The following DLGAP1 variants were observed in gnomAD, a reference collection of about 807,000 sequenced individuals.
DLGAP1 encodes the protein disks large-associated protein 1.
A neutral mutation model predicts 90.8 loss-of-function variants in DLGAP1; 11 were observed. That is an observed-to-expected ratio of 0.12 (90% confidence interval 0.08 to 0.20). The LOEUF (loss-of-function observed/expected upper bound fraction) is 0.20, where lower values mean the gene tolerates loss of function less well. Among genes scored for constraint, DLGAP1 ranks in the 10% least tolerant of loss-of-function variants. DLGAP1 has a pLI of 1.00. For missense variants in DLGAP1, 1,050 were observed against 1,333.8 expected, an observed-to-expected ratio of 0.79 and a Z score of 3.31; for synonymous variants, 558 against 540.7, an observed-to-expected ratio of 1.03 and a Z score of -0.44.
Position 4,358,829 on chromosome 18 carries a change from G to GGTCA in DLGAP1, c.-267+96173_-267+96176dup, listed in dbSNP as rs1485381219. Among the ~76,000 whole-genome samples, 9 of 152,134 alleles carry GGTCA rather than the reference G, an allele frequency of 5.9e-5. No individual in the cohort carries two copies. In the East Asian group the frequency reaches 1.4e-3, roughly 23 times the overall value. On this transcript the variant is annotated intron_variant, in intron 1 of 12. Coordinates refer to ENST00000315677, the MANE Select transcript of DLGAP1 (RefSeq NM_004746.4). ...TATTCGGTGCTGCCTGTGGCTTCTG[G>GGTCA]GTCAGTTCATCTAATTCTGGTGCAG...
chr18:3,893,842 T>C lies in DLGAP1; in HGVS notation c.-72-13702A>G, dbSNP rs117100171. ...AATTTACATTCCCACCAAAAGTGTA[T>C]AGACATTTTCTCATTTCTCCATATC... On this transcript the variant is annotated intron_variant, in intron 3 of 12. Transcript: ENST00000315677. 8.4e-3 allele frequency among the ~76,000 whole-genome samples: 1,275 copies of C among 152,194 alleles called. 25 individuals are homozygous for C. The highest frequency in any genetic ancestry group is 0.027 in the Admixed American group (418 of 15,272).
At chr18:3,897,883 T>G (rs368774324) in intron 3 of DLGAP1, among the ~76,000 whole-genome samples, 1 of 145,976 alleles carries the variant, frequency 6.9e-6, no homozygotes. Flanking sequence ...CAAGCTCCGC[T>G]TCCCGGGTTC....
At chr18:3,566,113 C>A (rs1266165922) in intron 9 of DLGAP1, among the ~76,000 whole-genome samples, 2 of 150,088 alleles carry the variant, frequency 1.3e-5, no homozygotes, top group African/African-American at 5.0e-5. Context: ...ATTACAAAAG[C>A]ATGCTATTAT....
At chr18:3,567,413 G>T (rs1026280006) in intron 9 of DLGAP1, 77 bp downstream of exon 9, 1 of 1,233,156 alleles carries the variant, frequency 8.1e-7, no homozygotes, top group Non-Finnish European at 1.2e-6. Flanking sequence ...GAATTTTGTA[G>T]ACTTATCACG....
At chr18:3,813,917 G>C (rs1421367888) in intron 5 of DLGAP1, 142 bp downstream of exon 5, 3 of 779,236 alleles carry the variant, frequency 3.8e-6, no homozygotes, top group African/African-American at 1.7e-5. Context: ...ACGGACGTCA[G>C]ATCTAAAGTC....
At chr18:4,046,667 T>C (rs2075059365) in intron 2 of DLGAP1, among the ~76,000 whole-genome samples, 1 of 152,342 alleles carries the variant, frequency 6.6e-6, no homozygotes, top group Admixed American at 6.5e-5. Context: ...TAGATGTTTT[T>C]TGAAAGAAAA....
chr18:3,809,575 C>T (rs1317385126), intron 5 of DLGAP1, among the ~76,000 whole-genome samples: 1 of 152,206 alleles, frequency 6.6e-6, no homozygotes, highest in African/African-American at 2.4e-5. Context: ...TCTCTTGCAA[C>T]AGCCTGGAAT....
At chr18:3,985,043 T>C (rs904434908) in intron 3 of DLGAP1, among the ~76,000 whole-genome samples, 4 of 152,190 alleles carry the variant, frequency 2.6e-5, no homozygotes, top group Non-Finnish European at 5.9e-5. Flanking sequence ...CACTTGCATT[T>C]ATCTAATCCT....
intron 1 of DLGAP1, among the ~76,000 whole-genome samples, chr18:4,244,483 T>C (rs1166414431): frequency 6.6e-6 from 1 of 152,226 alleles, no homozygotes; most frequent in Non-Finnish European, 1.5e-5. Context: ...TAGAAATTCA[T>C]GCGGTATATC....
intron 1 of DLGAP1, among the ~76,000 whole-genome samples, chr18:4,271,272 T>G (rs1043960947): frequency 3.9e-5 from 6 of 152,306 alleles, no homozygotes; most frequent in African/African-American, 1.4e-4. Context: ...CCCGAAGTAC[T>G]TCTAATGATT....
chr18:4,365,922 G>A (rs2081753471), intron 1 of DLGAP1, among the ~76,000 whole-genome samples: 2 of 152,192 alleles, frequency 1.3e-5, no homozygotes, highest in South Asian at 4.1e-4. Flanking sequence ...TTACTCATAA[G>A]TTTTTTAAAT....
Position 3,787,670 on chromosome 18 carries a change from C to T in DLGAP1, c.1172+26389G>A, listed in dbSNP as rs1462610117. Among the ~76,000 whole-genome samples the T allele has an allele frequency of 2.0e-5, 3 of 151,910 alleles. No individual in the cohort carries two copies. The East Asian group carries it at 5.8e-4, about 29-fold the overall frequency. On this transcript the variant is annotated intron_variant, in intron 5 of 12. Coordinates refer to ENST00000315677, the MANE Select transcript of DLGAP1 (RefSeq NM_004746.4). ...CTTGGCAGTTTTACCTCGTTCTTAC[C>T]GGTATTCATTCCTTCTAAAATATTA...
At chr18:3,770,911 C>A (rs150798019) in intron 5 of DLGAP1, 1 of 152,284 alleles carries the variant, frequency 6.6e-6, no homozygotes, top group East Asian at 1.9e-4. Flanking sequence ...TGACTTCTAC[C>A]CACTTTTATT....
chr18:4,377,593 C>A (rs1420152551), intron 1 of DLGAP1, among the ~76,000 whole-genome samples: 1 of 152,042 alleles, frequency 6.6e-6, no homozygotes, highest in Non-Finnish European at 1.5e-5. Context: ...TCTTCAGTCA[C>A]TTACAAAAAA....
At chr18:4,130,274 G>C (rs1464848751) in intron 2 of DLGAP1, among the ~76,000 whole-genome samples, 1 of 152,014 alleles carries the variant, frequency 6.6e-6, no homozygotes, top group East Asian at 1.9e-4. Context: ...AAATTCCAGA[G>C]GCACTGATGA....
intron 1 of DLGAP1, among the ~76,000 whole-genome samples, chr18:4,417,043 A>G (rs1174055771): frequency 3.3e-5 from 5 of 152,052 alleles, no homozygotes; most frequent in Admixed American, 3.3e-4. Context: ...AAGGAAGTCA[A>G]CCCCGGTCTT....
chr18:4,040,657 T>C (rs2074960698), intron 2 of DLGAP1, among the ~76,000 whole-genome samples: 2 of 152,238 alleles, frequency 1.3e-5, no homozygotes, highest in Admixed American at 1.3e-4. Context: ...TCAGCCAAGG[T>C]ATCAGTTTGT....
At chr18:4,087,753 T>G (rs2075707991) in intron 2 of DLGAP1, among the ~76,000 whole-genome samples, 1 of 152,224 alleles carries the variant, frequency 6.6e-6, no homozygotes, top group South Asian at 2.1e-4. Flanking sequence ...TACATTTATA[T>G]GCTATATATA....
intron 1 of DLGAP1, among the ~76,000 whole-genome samples, chr18:4,175,144 G>C (rs1379594420): frequency 2.6e-5 from 4 of 152,112 alleles, no homozygotes; most frequent in African/African-American, 9.7e-5. Flanking sequence ...ATCTCATTGA[G>C]GTTTTGATTT....
Sources: gnomAD v4.1 joint callset for allele counts (sites outside exome capture counted in the v4.1 genomes callset) on GRCh38, gnomAD v4.1.1 for gene constraint, MANE v1.5 for transcripts, NCBI Gene and HGNC (gene_info 2026-07-23, HGNC 2026-07-21) for gene names.